EPB41L5: variants seen among roughly 807,000 people sequenced by gnomAD.
EPB41L5 encodes the protein band 4.1-like protein 5.
In EPB41L5, 55 loss-of-function variants were observed where a neutral mutation model predicts 106.6. The ratio of observed to expected loss-of-function variants is 0.52; its 90% CI spans 0.42 to 0.65. The LOEUF (loss-of-function observed/expected upper bound fraction) is 0.65, where lower values mean the gene tolerates loss of function less well. Among genes scored for constraint, EPB41L5 ranks in the 30% least tolerant of loss-of-function variants. EPB41L5 has a pLI of 0.00. For synonymous variants in EPB41L5, 297 were observed against 306.7 expected (o/e 0.97, Z 0.33); for missense variants, 871 against 882.1 (o/e 0.99, Z 0.16).
At chr2:120,160,672 T>C in intron 20 of EPB41L5, 1 of 529,900 alleles carries the variant, frequency 1.9e-6, no homozygotes, top group Non-Finnish European at 3.4e-6. Context: ...TGTTATTGCC[T>C]ATCTTTTTTA....
chr2:120,021,629 A>G (rs1462090533), intron 2 of EPB41L5, among the ~76,000 whole-genome samples: 1 of 152,226 alleles, frequency 6.6e-6, no homozygotes, highest in East Asian at 1.9e-4. Context: ...TGACAGTGCG[A>G]GACTCCATCT....
At chr2:120,133,397 C>A (rs1010094701) in intron 18 of EPB41L5, among the ~76,000 whole-genome samples, 3 of 152,008 alleles carry the variant, frequency 2.0e-5, no homozygotes, top group Non-Finnish European at 4.4e-5. Context: ...TGCCACCCCT[C>A]CCCTATGGAG....
chr2:120,109,523 C>T (rs1387720301), intron 16 of EPB41L5, among the ~76,000 whole-genome samples: 4 of 152,160 alleles, frequency 2.6e-5, no homozygotes, highest in African/African-American at 9.7e-5. Context: ...CTTGCTTTCC[C>T]TGCTGTTACT....
intron 2 of EPB41L5, among the ~76,000 whole-genome samples, chr2:120,038,738 A>G (rs1286311333): frequency 6.6e-6 from 1 of 152,222 alleles, no homozygotes; most frequent in Non-Finnish European, 1.5e-5. Flanking sequence ...TGGGCGACAG[A>G]GTGAGACTGT....
At chr2:120,023,764 A>G (rs1678107584) in intron 2 of EPB41L5, among the ~76,000 whole-genome samples, 1 of 152,236 alleles carries the variant, frequency 6.6e-6, no homozygotes, top group African/African-American at 2.4e-5. Flanking sequence ...TGTATAAATT[A>G]CTGTGGGCAG....
At chr2:120,095,624 T>G (rs1318775877) in intron 14 of EPB41L5, among the ~76,000 whole-genome samples, 1 of 152,082 alleles carries the variant, frequency 6.6e-6, no homozygotes, top group African/African-American at 2.4e-5. Flanking sequence ...CAAATTACCA[T>G]TCTGAAGGTC....
At chr2:120,151,602 G>T (rs983026472) in intron 20 of EPB41L5, among the ~76,000 whole-genome samples, 5 of 140,268 alleles carry the variant, frequency 3.6e-5, no homozygotes, top group Admixed American at 2.1e-4. Flanking sequence ...GAGCCACTGC[G>T]TCTGGCCCTT....
chr2:120,043,251 C>T (rs530570734), intron 3 of EPB41L5, among the ~76,000 whole-genome samples: 25 of 151,988 alleles, frequency 1.6e-4, no homozygotes, highest in African/African-American at 5.1e-4. Flanking sequence ...TTAAAAATAG[C>T]GGTTTTGGGC....
intron 18 of EPB41L5, among the ~76,000 whole-genome samples, chr2:120,141,193 A>G (rs1027876880): frequency 1.3e-5 from 2 of 152,126 alleles, no homozygotes; most frequent in Non-Finnish European, 2.9e-5. Context: ...TTTGTAAGAT[A>G]AAATAAATAC....
chr2:120,038,801 G>A (rs776318254), intron 2 of EPB41L5, among the ~76,000 whole-genome samples: 6 of 152,234 alleles, frequency 3.9e-5, no homozygotes, highest in East Asian at 1.9e-4. Flanking sequence ...ATTAGCATAT[G>A]ACCCAGCACT....
chr2:120,167,744 AAAAC>A (rs1312116728), intron 23 of EPB41L5, 129 bp from the exon 24 acceptor site: 20 of 1,226,914 alleles, frequency 1.6e-5, no homozygotes, highest in Admixed American at 8.9e-5. Flanking sequence ...TAAGAAAAAC[AAAAC>A]AAACAGTCAT....
chr2:120,073,277 T>A, intron 4 of EPB41L5, 57 bp downstream of exon 4: 1 of 1,352,274 alleles, frequency 7.4e-7, no homozygotes, highest in East Asian at 2.3e-5. Context: ...TATTAGAAAT[T>A]CTGATTTCTA....
chr2:120,125,321 C>T (rs760817344), intron 16 of EPB41L5, among the ~76,000 whole-genome samples: 7 of 152,132 alleles, frequency 4.6e-5, no homozygotes, highest in African/African-American at 9.7e-5. Flanking sequence ...GTGGAAACAC[C>T]GCTTGTCCAA....
At position 120,100,766 on chromosome 2, in the gene EPB41L5, T is replaced by C; in HGVS notation, c.1289T>C (p.Ile430Thr). Residue 430 changes from isoleucine to threonine, a missense_variant, in exon 16 of 25, where the codon ATA (isoleucine) becomes ACA (threonine). Physicochemically the swap from Ile to Thr is moderately conservative, Grantham distance 89. Transcript: ENST00000263713. ...SISSAPVPVE[I>T]ENLPQSPGTD... is the part of the protein sequence containing the mutation. ...TCCTCTGCTCCTGTGCCAGTGGAGA[T>C]AGAGAATCTTCCACAGAGTCCTGGA... is the stretch of plus-strand genomic sequence containing the variant. The C allele has an allele frequency of 1.2e-6, 2 of 1,612,792 alleles. No individual in the cohort carries two copies. The highest frequency in any genetic ancestry group is 1.7e-6 in the Non-Finnish European group (2 of 1,179,212).
chr2:120,112,742 A>G (rs1392822673), intron 16 of EPB41L5, among the ~76,000 whole-genome samples: 1 of 152,226 alleles, frequency 6.6e-6, no homozygotes, highest in African/African-American at 2.4e-5. Flanking sequence ...ATGGGAAGGT[A>G]TCGTGATAAT....
chr2:120,025,270 G>A (rs1451151807), intron 2 of EPB41L5, among the ~76,000 whole-genome samples: 2 of 152,208 alleles, frequency 1.3e-5, no homozygotes, highest in Non-Finnish European at 2.9e-5. Context: ...AGATTTTGTA[G>A]TTGATTTGCA....
intron 10 of EPB41L5, 46 bp from the exon 11 acceptor site, chr2:120,087,125 G>C: frequency 8.5e-7 from 1 of 1,175,000 alleles, no homozygotes; most frequent in Non-Finnish European, 1.2e-6. Flanking sequence ...CATATTTAGA[G>C]AACATTTGTT....
intron 21 of EPB41L5, 132 bp downstream of exon 21, chr2:120,161,106 A>G: frequency 1.5e-6 from 1 of 677,946 alleles, no homozygotes; most frequent in Non-Finnish European, 2.6e-6. Context: ...AGCCGAGCAC[A>G]GGGGCTCACA....
Position 120,077,011 on chromosome 2 carries a change from A to G in EPB41L5, c.546A>G (p.Glu182=). 6.2e-7 allele frequency: 1 copy of G among 1,612,700 alleles called. No homozygotes were observed. Residue 182 remains glutamate, a synonymous_variant, in exon 8 of 25, where the codon GAA becomes GAG. Coordinates refer to ENST00000263713, the MANE Select transcript of EPB41L5 (RefSeq NM_020909.4). The stretch of plus-strand genomic sequence containing the variant: ...ATGATCTTGCTGAGCATAGTCCTGA[A>G]CTTGTCTCAGAGTTCAGATTCGTGC... ...GDYDLAEHSP[E]LVSEFRFVPI...
Sources: gnomAD v4.1 joint callset for allele counts (sites outside exome capture counted in the v4.1 genomes callset) on GRCh38, gnomAD v4.1.1 for gene constraint, MANE v1.5 for transcripts, NCBI Gene and HGNC (gene_info 2026-07-23, HGNC 2026-07-21) for gene names.